The following ABCC9 variants were observed in gnomAD, a reference collection of about 807,000 sequenced individuals.
The protein encoded by ABCC9 is ATP-binding cassette sub-family C member 9.
In ABCC9, 95 loss-of-function variants were observed where a neutral mutation model predicts 188.3. That is an observed-to-expected ratio of 0.50 (90% CI 0.43 to 0.60). ABCC9 has a LOEUF of 0.60. Among genes scored for constraint, ABCC9 ranks in the 20% least tolerant of loss-of-function variants. The pLI is 0.00. For missense variants in ABCC9, 1,102 were observed against 1,876.3 expected (o/e 0.59, Z 7.62); for synonymous variants, 659 against 652.7 (o/e 1.01, Z -0.15).
At chr12:21,905,446 T>C (rs930542245) in intron 12 of ABCC9, among the ~76,000 whole-genome samples, 2 of 151,710 alleles carry the variant, frequency 1.3e-5, no homozygotes, top group Non-Finnish European at 2.9e-5. Flanking sequence ...ATTTCTAGGA[T>C]TTGACATTTT....
chr12:21,824,646 C>G (rs888712447), intron 31 of ABCC9, among the ~76,000 whole-genome samples: 1 of 152,072 alleles, frequency 6.6e-6, no homozygotes, highest in African/African-American at 2.4e-5. Flanking sequence ...TGGTAGGCTA[C>G]TAATTATTGC....
intron 5 of ABCC9, among the ~76,000 whole-genome samples, chr12:21,918,320 T>C (rs1948681021): frequency 6.6e-6 from 1 of 152,116 alleles, no homozygotes; most frequent in African/African-American, 2.4e-5. Context: ...ATCAAATACC[T>C]CATACTATTT....
At chr12:21,851,129 T>G (rs1233296905) in intron 24 of ABCC9, among the ~76,000 whole-genome samples, 1 of 152,098 alleles carries the variant, frequency 6.6e-6, no homozygotes, top group Non-Finnish European at 1.5e-5. Flanking sequence ...AGAAATTCAC[T>G]GGTACAAATA....
intron 5 of ABCC9, chr12:21,925,233 A>G: frequency 2.7e-6 from 1 of 372,400 alleles, no homozygotes; most frequent in Non-Finnish European, 4.8e-6. Flanking sequence ...GTGATGGGTC[A>G]GAGTATTGAA....
intron 2 of ABCC9, among the ~76,000 whole-genome samples, chr12:21,938,539 C>T (rs983149440): frequency 6.6e-6 from 1 of 152,136 alleles, no homozygotes; most frequent in African/African-American, 2.4e-5. Context: ...TTTTAGACTA[C>T]TTCCTTTATT....
chr12:21,917,392 G>C (rs184173947), intron 5 of ABCC9, among the ~76,000 whole-genome samples: 2 of 152,138 alleles, frequency 1.3e-5, no homozygotes, highest in African/African-American at 2.4e-5. Context: ...CAAAATGTAC[G>C]TGTAAGTCTA....
At chr12:21,812,225 AT>A in intron 35 of ABCC9, 68 bp from the exon 36 acceptor site, 1 of 1,210,442 alleles carries the variant, frequency 8.3e-7, no homozygotes, top group Non-Finnish European at 1.2e-6. Flanking sequence ...TTGTTTACAA[AT>A]TGAAAGTTAT....
chr12:21,859,803 G>A (rs1486619518), intron 21 of ABCC9, 137 bp from the exon 22 acceptor site: 1 of 796,302 alleles, frequency 1.3e-6, no homozygotes, highest in East Asian at 2.5e-5. Context: ...TAGTAACATT[G>A]GTAAGAAAAC....
intron 37 of ABCC9, among the ~76,000 whole-genome samples, chr12:21,809,019 T>C (rs574077762): frequency 1.3e-5 from 2 of 152,242 alleles, no homozygotes; most frequent in African/African-American, 4.8e-5. Context: ...ATTTTGTAGG[T>C]TGACTTTTTA....
intron 12 of ABCC9, among the ~76,000 whole-genome samples, chr12:21,897,445 A>G (rs1443028342): frequency 1.3e-5 from 2 of 152,184 alleles, no homozygotes. Flanking sequence ...CCTGCTTGGT[A>G]GCAGATGAGT....
chr12:21,869,193 A>C (rs1945937290), intron 18 of ABCC9, among the ~76,000 whole-genome samples: 1 of 152,212 alleles, frequency 6.6e-6, no homozygotes, highest in Non-Finnish European at 1.5e-5. Context: ...ATGCTCATAA[A>C]AAGATAATTT....
At chr12:21,836,930 G>C (rs1367234969) in intron 30 of ABCC9, among the ~76,000 whole-genome samples, 3 of 152,176 alleles carry the variant, frequency 2.0e-5, no homozygotes, top group Admixed American at 2.0e-4. Flanking sequence ...GGAGGATGTG[G>C]GGAGGGAGGG....
In ABCC9 at chr12:21,798,964, G is replaced by A. The variant is rs1338667094; in HGVS notation, c.*2080C>T. ...CCTTTGTAGGGACATGGATGAAACT[G>A]GAAACCATCATTCTCAGTAAACTAT... On this transcript the variant is annotated 3_prime_UTR_variant, in exon 40 of 40. Coordinates refer to ENST00000261200, the MANE Select transcript of ABCC9 (RefSeq NM_020297.4). The A allele has an allele frequency of 6.7e-6, 1 of 149,400 alleles. No individual in the cohort carries two copies. Among genetic ancestry groups the A allele is most frequent in the East Asian group, 2.0e-4 (1 of 5,124 alleles). 9.3% of individuals were successfully genotyped at this position (149,400 alleles called of 1,614,324 possible). A position where few individuals can be genotyped will look rare whatever the true frequency, so the allele number is the denominator to read the frequency against.
At chr12:21,915,494 G>GTATATATA (rs1242200528) in intron 7 of ABCC9, among the ~76,000 whole-genome samples, 174 bp downstream of exon 7, 3 of 9,682 alleles carry the variant, frequency 3.1e-4, no homozygotes, top group African/African-American at 8.7e-4. Flanking sequence ...GTGTGTGTGT[G>GTATATATA]TGTGTGTATA....
chr12:21,819,288 C>G (rs1356034147), intron 31 of ABCC9, among the ~76,000 whole-genome samples: 1 of 152,138 alleles, frequency 6.6e-6, no homozygotes, highest in Non-Finnish European at 1.5e-5. Context: ...CTGATAAACT[C>G]CTTCTCTAGA....
intron 16 of ABCC9, among the ~76,000 whole-genome samples, chr12:21,881,001 G>A (rs1166747543): frequency 6.6e-6 from 1 of 151,910 alleles, no homozygotes; most frequent in Non-Finnish European, 1.5e-5. Context: ...TAAAATATAG[G>A]TGAATTACAC....
intron 29 of ABCC9, 125 bp downstream of exon 29, chr12:21,842,189 G>T: frequency 1.6e-6 from 2 of 1,217,696 alleles, no homozygotes; most frequent in African/African-American, 1.5e-5. Context: ...CAAGTTTTGT[G>T]TTTTGGAACT....
At chr12:21,902,798 A>T (rs977377908) in intron 12 of ABCC9, among the ~76,000 whole-genome samples, 1 of 152,220 alleles carries the variant, frequency 6.6e-6, no homozygotes, top group Non-Finnish European at 1.5e-5. Flanking sequence ...AGCAATAATT[A>T]ATAGCCTACC....
intron 30 of ABCC9, among the ~76,000 whole-genome samples, chr12:21,829,772 G>A (rs1002603316): frequency 1.3e-5 from 2 of 152,154 alleles, no homozygotes; most frequent in African/African-American, 4.8e-5. Flanking sequence ...ATATTTTGTG[G>A]CATTTATTTT....
Sources: allele counts gnomAD v4.1 joint callset (sites outside exome capture counted in the v4.1 genomes callset), GRCh38; gene constraint gnomAD v4.1.1; transcripts MANE v1.5; gene names NCBI Gene and HGNC (gene_info 2026-07-23, HGNC 2026-07-21).